Variants in SCAI observed in about 807,000 individuals in gnomAD.
SCAI encodes the protein suppressor of cancer cell invasion, also known as protein SCAI.
In SCAI, 24 loss-of-function variants were observed where a neutral mutation model predicts 92.2. The observed-to-expected ratio is 0.26, with a 90% CI of 0.19 to 0.37. The LOEUF (loss-of-function observed/expected upper bound fraction) is 0.37. Ranked by LOEUF, SCAI falls within the 10% of genes least tolerant of loss-of-function variation. SCAI has a pLI of 1.00. For synonymous variants in SCAI, 261 were observed against 258.6 expected (o/e 1.01, Z -0.09); for missense variants, 450 against 736.2 (o/e 0.61, Z 4.50).
chr9:125,032,616 C>CTTT (rs35384919), intron 3 of SCAI, among the ~76,000 whole-genome samples: 4 of 131,000 alleles, frequency 3.1e-5, no homozygotes, highest in Non-Finnish European at 4.8e-5. Context: ...TAATATTATG[C>CTTT]TTTTTTTTTT....
intron 9 of SCAI, 96 bp downstream of exon 9, chr9:125,018,703 G>C: frequency 2.9e-6 from 3 of 1,039,102 alleles, no homozygotes; most frequent in Non-Finnish European, 1.4e-6. Context: ...CCTCACAAGA[G>C]GATGTTAGGA....
rs965870313 is a variant in SCAI at position 125,091,899 on chromosome 9, C to G, written c.99-35892G>C. Among the ~76,000 whole-genome samples, 4 of 152,060 alleles carry G rather than the reference C, an allele frequency of 2.6e-5. No individual in the cohort carries two copies. The highest frequency in any genetic ancestry group is 6.6e-5 in the Admixed American group (1 of 15,256). ...GGCCGAGGCGAGCAGATCACGAGGT[C>G]AGGAGATCGAGACCATCCTGGCTAA... On this transcript the variant is annotated intron_variant, in intron 2 of 17. Coordinates refer to ENST00000336505, the MANE Select transcript of SCAI (RefSeq NM_001144877.3). The surrounding 1 kb of genome is among the most constrained non-coding windows in gnomAD (Gnocchi z 4.3).
intron 5 of SCAI, 144 bp from the exon 6 acceptor site, chr9:125,027,054 A>C (rs1588161364): frequency 4.3e-6 from 2 of 466,988 alleles, no homozygotes; most frequent in Non-Finnish European, 3.8e-6. Flanking sequence ...TCGGCAAGAC[A>C]ATAATCATAT....
At chr9:125,072,002 G>A (rs1220924492) in intron 2 of SCAI, among the ~76,000 whole-genome samples, 1 of 151,544 alleles carries the variant, frequency 6.6e-6, no homozygotes, top group Non-Finnish European at 1.5e-5. Context: ...ACTAAAGAGG[G>A]CAAGAGACAG....
chr9:125,056,758 T>C (rs1256996070), intron 2 of SCAI, among the ~76,000 whole-genome samples: 1 of 152,146 alleles, frequency 6.6e-6, no homozygotes, highest in African/African-American at 2.4e-5. Flanking sequence ...GAAAACAACC[T>C]AAAGGCCCCA....
intron 7 of SCAI, among the ~76,000 whole-genome samples, chr9:125,020,186 C>A (rs1009349030): frequency 2.6e-5 from 4 of 151,628 alleles, no homozygotes; most frequent in Non-Finnish European, 4.4e-5. Context: ...AGAATGCAAT[C>A]AGAATTTAAT....
chr9:125,084,461 C>T (rs12551517), intron 2 of SCAI, among the ~76,000 whole-genome samples: 1 of 151,932 alleles, frequency 6.6e-6, no homozygotes. Context: ...CCAGCCACCG[C>T]GCCCGGCCGG....
At chr9:125,007,057 T>C (rs1057263832) in intron 9 of SCAI, among the ~76,000 whole-genome samples, 1 of 152,084 alleles carries the variant, frequency 6.6e-6, no homozygotes. Flanking sequence ...AGGCAGAAGA[T>C]GCAGTGAGCC....
At chr9:125,046,012 C>G (rs901363774) in intron 3 of SCAI, among the ~76,000 whole-genome samples, 38 of 151,244 alleles carry the variant, frequency 2.5e-4, no homozygotes, top group African/African-American at 9.0e-4. Flanking sequence ...CCTTAAATGA[C>G]TAAAAGTAAA....
At chr9:125,047,137 C>G (rs949014194) in intron 3 of SCAI, among the ~76,000 whole-genome samples, 4 of 152,182 alleles carry the variant, frequency 2.6e-5, no homozygotes, top group African/African-American at 9.7e-5. Context: ...CAGAATTTCA[C>G]TGTATCTGGA....
chr9:125,011,653 C>T (rs1237535739), intron 9 of SCAI, among the ~76,000 whole-genome samples: 1 of 152,106 alleles, frequency 6.6e-6, no homozygotes, highest in African/African-American at 2.4e-5. Flanking sequence ...CAAGGCAGGC[C>T]AACATTCAGA....
At chr9:124,982,745 A>G in intron 14 of SCAI, among the ~76,000 whole-genome samples, 1 of 151,780 alleles carries the variant, frequency 6.6e-6, no homozygotes, top group East Asian at 1.9e-4. Context: ...TCTTGGGGGG[A>G]AAAGGAAATA....
chr9:125,009,792 C>A (rs150815154), intron 9 of SCAI, among the ~76,000 whole-genome samples: 1 of 151,980 alleles, frequency 6.6e-6, no homozygotes, highest in African/African-American at 2.4e-5. Context: ...ACTCAGGAGG[C>A]TGAGGCAGGA....
chr9:125,005,270 G>C (rs1832479661), intron 9 of SCAI, among the ~76,000 whole-genome samples: 1 of 152,142 alleles, frequency 6.6e-6, no homozygotes, highest in Non-Finnish European at 1.5e-5. Context: ...GAATTATTTA[G>C]TTAAGATGAG....
At chr9:125,070,260 A>G (rs1349655830) in intron 2 of SCAI, among the ~76,000 whole-genome samples, 2 of 152,214 alleles carry the variant, frequency 1.3e-5, no homozygotes, top group Non-Finnish European at 2.9e-5. Context: ...ACCACTTGGT[A>G]CAGATGGCAT....
At chr9:125,054,155 T>C (rs1379560583) in intron 3 of SCAI, among the ~76,000 whole-genome samples, 1 of 152,104 alleles carries the variant, frequency 6.6e-6, no homozygotes, top group Non-Finnish European at 1.5e-5. Flanking sequence ...TTTCATGTTT[T>C]GTAGAGACGA....
chr9:125,056,150 A>C lies in SCAI; in HGVS notation c.99-143T>G, dbSNP rs1317111767. 16 of 655,376 alleles carry C rather than the reference A, an allele frequency of 2.4e-5. No homozygotes were observed. In the East Asian group the frequency reaches 4.8e-4, roughly 20 times the overall value. 40.6% of individuals were successfully genotyped at this position (655,376 alleles called of 1,614,324 possible). A position where few individuals can be genotyped will look rare whatever the true frequency, so the allele number is the denominator to read the frequency against. On this transcript the variant is annotated intron_variant, in intron 2 of 17. Transcript: ENST00000336505. ...CAATCAAATCACAAAAATATAATTTAAGTGTAAGATACTGTAAGAAAACAG... is the reference window on the plus strand; with the variant it reads ...CAATCAAATCACAAAAATATAATTTCAGTGTAAGATACTGTAAGAAAACAG...
intron 17 of SCAI, among the ~76,000 whole-genome samples, chr9:124,958,046 T>C (rs1831357628): frequency 6.6e-6 from 1 of 152,142 alleles, no homozygotes; most frequent in African/African-American, 2.4e-5. Context: ...ATGAAACACA[T>C]GCAAGACCTG....
chr9:125,013,219 CA>C (rs1832675212), intron 9 of SCAI, among the ~76,000 whole-genome samples: 2 of 151,164 alleles, frequency 1.3e-5, no homozygotes, highest in South Asian at 4.2e-4. Flanking sequence ...AAAAACCCTT[CA>C]AAAAATTAAT....
Sources: allele counts gnomAD v4.1 joint callset (sites outside exome capture counted in the v4.1 genomes callset), GRCh38; gene constraint gnomAD v4.1.1; non-coding constraint Gnocchi (gnomAD v3.1); transcripts MANE v1.5; gene names NCBI Gene and HGNC (gene_info 2026-07-23, HGNC 2026-07-21).